ESRP1: variants seen among roughly 807,000 people sequenced by gnomAD.
ESRP1 encodes the protein epithelial splicing regulatory protein 1.
ESRP1 carries 33 observed loss-of-function variants against 81.7 expected under a neutral mutation model. The ratio of observed to expected loss-of-function variants is 0.40; its 90% confidence interval spans 0.31 to 0.54. The LOEUF is 0.54. Among genes scored for constraint, ESRP1 ranks in the 20% least tolerant of loss-of-function variants. ESRP1 has a pLI of 0.41. For missense variants in ESRP1, 672 were observed against 833.1 expected, an observed-to-expected ratio of 0.81 and a Z score of 2.38; for synonymous variants, 320 against 303.3, an observed-to-expected ratio of 1.06 and a Z score of -0.57.
chr8:94,647,834 T>C (rs1316695388), intron 4 of ESRP1, among the ~76,000 whole-genome samples: 1 of 152,058 alleles, frequency 6.6e-6, no homozygotes, highest in Non-Finnish European at 1.5e-5. Context: ...TAATAAGCTA[T>C]CTTAATTTAG....
intron 15 of ESRP1, among the ~76,000 whole-genome samples, chr8:94,699,797 A>T (rs1809746736): frequency 6.6e-6 from 1 of 152,112 alleles, no homozygotes; most frequent in Non-Finnish European, 1.5e-5. Flanking sequence ...GTCACTAATA[A>T]TCTCACCACC....
chr8:94,704,598 T>C (rs191484606), intron 15 of ESRP1, among the ~76,000 whole-genome samples: 22 of 152,056 alleles, frequency 1.4e-4, no homozygotes, highest in Non-Finnish European at 2.6e-4. Context: ...AATCTGTCTT[T>C]ACAAACAATT....
intron 3 of ESRP1, among the ~76,000 whole-genome samples, chr8:94,644,959 C>T (rs1443140646): frequency 1.3e-5 from 2 of 152,222 alleles, no homozygotes; most frequent in East Asian, 3.9e-4. Context: ...CGGCGTAAGC[C>T]TTTTAGCCTA....
At chr8:94,646,376 A>T in intron 4 of ESRP1, 94 bp downstream of exon 4, 4 of 853,868 alleles carry the variant, frequency 4.7e-6, no homozygotes, top group African/African-American at 3.4e-5. Context: ...TTTTGTCAGC[A>T]TATGGATAAA....
intron 13 of ESRP1, among the ~76,000 whole-genome samples, chr8:94,684,837 C>G (rs1024763934): frequency 6.6e-6 from 1 of 152,130 alleles, no homozygotes; most frequent in African/African-American, 2.4e-5. Context: ...AGGAGGATCG[C>G]TGGAGCCCAG....
At chr8:94,682,932 ATTTTTTTTTT>A (rs869078492) in intron 13 of ESRP1, among the ~76,000 whole-genome samples, 5 of 18,084 alleles carry the variant, frequency 2.8e-4, no homozygotes, top group African/African-American at 3.4e-4. Context: ...ATATATATAT[ATTTTTTTTTT>A]TTTTTTTTTT....
At chr8:94,696,780 T>A in intron 14 of ESRP1, 72 bp from the exon 15 acceptor site, 1 of 1,209,454 alleles carries the variant, frequency 8.3e-7, no homozygotes, top group Non-Finnish European at 1.2e-6. Flanking sequence ...GGTAGATCTA[T>A]TTAGCTGAAA....
intron 12 of ESRP1, among the ~76,000 whole-genome samples, chr8:94,676,922 G>C (rs1439478021): frequency 6.6e-6 from 1 of 151,974 alleles, no homozygotes; most frequent in African/African-American, 2.4e-5. Context: ...GGAGGCCAAG[G>C]CGGGCAGATC....
chr8:94,646,500 T>C (rs778040070), intron 4 of ESRP1: 4 of 407,142 alleles, frequency 9.8e-6, no homozygotes, highest in Non-Finnish European at 1.8e-5. Flanking sequence ...GATGGATTTT[T>C]TGGTGGGGTG....
At chr8:94,688,858 A>G (rs909166462) in intron 13 of ESRP1, among the ~76,000 whole-genome samples, 2 of 152,052 alleles carry the variant, frequency 1.3e-5, no homozygotes, top group Non-Finnish European at 2.9e-5. Flanking sequence ...TATACATTTT[A>G]GGTTCAGTTT....
At position 94,693,374 on chromosome 8, in the gene ESRP1, A is replaced by G. The variant is rs531134576; in HGVS notation, c.1971+547A>G. Among the ~76,000 whole-genome samples the G allele has an allele frequency of 3.2e-4, 48 of 152,216 alleles. 1 individual carries two copies. Among genetic ancestry groups the G allele is most frequent in the African/African-American group, 1.2e-3 (48 of 41,544 alleles). ...GCCTTTCATGTTTATTCTCGTGACT[A>G]ATGTTTGCTCTTGGCAGTTTTTTTC... On this transcript the variant is annotated intron_variant, in intron 14 of 15. Transcript: ENST00000433389.
chr8:94,699,950 A>G (rs1809755906), intron 15 of ESRP1, among the ~76,000 whole-genome samples: 1 of 152,146 alleles, frequency 6.6e-6, no homozygotes, highest in Admixed American at 6.5e-5. Flanking sequence ...CATTATCATA[A>G]CCGAGTGGCT....
At position 94,665,245 on chromosome 8, in the gene ESRP1, T is replaced by C. The variant is rs376143692; in HGVS notation, c.931+49T>C. The C allele has an allele frequency of 4.8e-5, 76 of 1,573,476 alleles. No individual in the cohort carries two copies. In the African/African-American group the frequency reaches 8.5e-4, roughly 18 times the overall value. On this transcript the variant is annotated intron_variant, in intron 9 of 15. Coordinates refer to ENST00000433389, the MANE Select transcript of ESRP1 (RefSeq NM_017697.4). ...GCTTTAGTTAATAAGAATCTAAAAA[T>C]TTTGCATACTTAAATTTAGCAAGAG...
At chr8:94,702,761 G>A (rs1054216448) in intron 15 of ESRP1, among the ~76,000 whole-genome samples, 2 of 152,100 alleles carry the variant, frequency 1.3e-5, no homozygotes, top group African/African-American at 4.8e-5. Context: ...GGGATTATAG[G>A]TGTGAGCCGC....
intron 6 of ESRP1, among the ~76,000 whole-genome samples, chr8:94,664,342 G>A (rs185754994): frequency 1.3e-4 from 20 of 151,832 alleles, no homozygotes; most frequent in Admixed American, 4.6e-4. Context: ...CAGGCTGGTC[G>A]CAAACTCCTG....
intron 4 of ESRP1, chr8:94,646,484 T>TTTGG (rs1817857461): frequency 2.4e-6 from 1 of 423,664 alleles, no homozygotes; most frequent in Non-Finnish European, 4.2e-6. Flanking sequence ...GTTGGACGGA[T>TTTGG]TTGGAGATGG....
intron 13 of ESRP1, among the ~76,000 whole-genome samples, chr8:94,682,927 TA>T (rs1259010531): frequency 1.2e-3 from 46 of 39,786 alleles, no homozygotes; most frequent in Non-Finnish European, 1.7e-3. Flanking sequence ...TATATATATA[TA>T]TATATTTTTT....
chr8:94,643,465 C>A, intron 3 of ESRP1, 49 bp downstream of exon 3: 1 of 1,307,316 alleles, frequency 7.6e-7, no homozygotes, highest in Non-Finnish European at 1.1e-6. Flanking sequence ...TTTGGGGTGA[C>A]TGGAGGTTTT....
intron 5 of ESRP1, 55 bp downstream of exon 5, chr8:94,662,425 A>C (rs1586198484): frequency 5.2e-6 from 8 of 1,536,426 alleles, no homozygotes; most frequent in Non-Finnish European, 7.1e-6. Context: ...TTTTTCTCTT[A>C]CCTATACTCA....
Sources: gnomAD v4.1 joint callset for allele counts (sites outside exome capture counted in the v4.1 genomes callset) on GRCh38, gnomAD v4.1.1 for gene constraint, MANE v1.5 for transcripts, NCBI Gene and HGNC (gene_info 2026-07-23, HGNC 2026-07-21) for gene names.